The following KLHL29 variants were observed in gnomAD, a reference collection of about 807,000 sequenced individuals.
The protein encoded by KLHL29 is kelch-like protein 29.
In KLHL29, 21 loss-of-function variants were observed where a neutral mutation model predicts 80.4. The ratio of observed to expected loss-of-function variants is 0.26; its 90% CI spans 0.19 to 0.38. The LOEUF is 0.38. KLHL29 is among the 10% of genes least tolerant of loss of function. The probability of loss-of-function intolerance (pLI) is 1.00; values close to 1 mark genes in which losing one functional copy is unlikely to be tolerated. For synonymous variants in KLHL29, 511 were observed against 526.8 expected (o/e 0.97, Z 0.41); for missense variants, 867 against 1,223.9 (o/e 0.71, Z 4.35).
At chr2:23,439,695 T>A (rs1221892884) in intron 1 of KLHL29, among the ~76,000 whole-genome samples, 8 of 151,508 alleles carry the variant, frequency 5.3e-5, no homozygotes. Flanking sequence ...ATAATTTCTG[T>A]TCTTTTACAT....
chr2:23,570,087 G>A (rs545143850), intron 3 of KLHL29, among the ~76,000 whole-genome samples: 13 of 152,280 alleles, frequency 8.5e-5, no homozygotes, highest in African/African-American at 3.1e-4. Context: ...AATTTTCATT[G>A]TGAATCTGCC....
At chr2:23,431,503 G>C (rs895495468) in intron 1 of KLHL29, among the ~76,000 whole-genome samples, 8 of 152,244 alleles carry the variant, frequency 5.3e-5, no homozygotes, top group African/African-American at 1.9e-4. Context: ...CGCCAGCCCT[G>C]CTCCTCCGCC....
chr2:23,566,788 A>G (rs1667599560), intron 3 of KLHL29, among the ~76,000 whole-genome samples: 1 of 152,260 alleles, frequency 6.6e-6, no homozygotes, highest in Non-Finnish European at 1.5e-5. Context: ...AACTGGTTAA[A>G]TTAATATGCA....
At chr2:23,560,333 C>T (rs987542552) in intron 2 of KLHL29, among the ~76,000 whole-genome samples, 2 of 125,210 alleles carry the variant, frequency 1.6e-5, no homozygotes, top group Admixed American at 1.0e-4. Flanking sequence ...TGCAATATCG[C>T]GATCTCAGCT....
rs558892078 is a variant in KLHL29, at chr2:23,613,679, G to A, written c.286-25460G>A. On this transcript the variant is annotated intron_variant, in intron 3 of 13. Coordinates refer to ENST00000486442, the MANE Select transcript of KLHL29 (RefSeq NM_052920.2). The stretch of plus-strand genomic sequence containing the variant: ...CTCGGGAGGCTGAGGCAGGAGAATC[G>A]TTTGAACCCGGGAGGTGGAGGTTGC... 3.0e-4 allele frequency among the ~76,000 whole-genome samples: 43 copies of A among 145,588 alleles called. No individual in the cohort carries two copies. The South Asian group carries it at 3.8e-3, about 13-fold the overall frequency.
intron 3 of KLHL29, among the ~76,000 whole-genome samples, chr2:23,570,127 T>C (rs957808069): frequency 6.6e-6 from 1 of 152,202 alleles, no homozygotes; most frequent in Admixed American, 6.5e-5. Flanking sequence ...AGAAACCTCA[T>C]TTTCCTCTGG....
chr2:23,431,545 T>A (rs1429890920), intron 1 of KLHL29, among the ~76,000 whole-genome samples: 1 of 152,190 alleles, frequency 6.6e-6, no homozygotes, highest in Non-Finnish European at 1.5e-5. Context: ...GCCGTGAACA[T>A]GGGCAGTGGG....
intron 3 of KLHL29, among the ~76,000 whole-genome samples, chr2:23,610,073 G>A (rs926045240): frequency 1.3e-5 from 2 of 152,172 alleles, no homozygotes; most frequent in African/African-American, 4.8e-5. Context: ...ATCAGAAGCA[G>A]TGGAGAGTCC....
chr2:23,652,340 A>G (rs111499608), intron 5 of KLHL29, among the ~76,000 whole-genome samples: 1 of 152,194 alleles, frequency 6.6e-6, no homozygotes, highest in Non-Finnish European at 1.5e-5. Flanking sequence ...CTAAGCAGGA[A>G]CCACCGATCG....
chr2:23,507,546 G>A (rs780287230), intron 2 of KLHL29, among the ~76,000 whole-genome samples: 4 of 152,200 alleles, frequency 2.6e-5, no homozygotes, highest in Non-Finnish European at 4.4e-5. Flanking sequence ...CACCTACCCT[G>A]ACTTTGTAGT....
chr2:23,524,696 C>T (rs1666242166), intron 2 of KLHL29, among the ~76,000 whole-genome samples: 1 of 152,206 alleles, frequency 6.6e-6, no homozygotes, highest in South Asian at 2.1e-4. Context: ...CCACCCTTTC[C>T]AGTGCTGTGC....
intron 2 of KLHL29, among the ~76,000 whole-genome samples, chr2:23,507,415 G>A (rs545641528): frequency 2.6e-5 from 4 of 152,164 alleles, no homozygotes; most frequent in African/African-American, 4.8e-5. Context: ...GCCCCGTCCC[G>A]GAGCAGCGTC....
rs1001651493 is a variant in KLHL29, at chr2:23,681,816, GGTTT to G, written c.941-2581_941-2578del. 7.9e-5 allele frequency among the ~76,000 whole-genome samples: 12 copies of G among 152,208 alleles called. No individual in the cohort carries two copies. Among genetic ancestry groups the G allele is most frequent in the African/African-American group, 2.9e-4 (12 of 41,460 alleles). ...AGGGGATGTCATCTACCTGGCTCGT[GGTTT>G]GGGCATTAATTCGGCTGGTGACTCT... On this transcript the variant is annotated intron_variant, in intron 5 of 13. Transcript: ENST00000486442. This position sits in a 1 kb window ranked among gnomAD's most constrained non-coding sequence, Gnocchi z 4.2.
At chr2:23,657,039 AC>A (rs1670266206) in intron 5 of KLHL29, among the ~76,000 whole-genome samples, 1 of 152,110 alleles carries the variant, frequency 6.6e-6, no homozygotes, top group Non-Finnish European at 1.5e-5. Context: ...TCAGATCAAA[AC>A]CTGCTTCTGT....
At chr2:23,594,451 C>T (rs760283313) in intron 3 of KLHL29, among the ~76,000 whole-genome samples, 6 of 152,276 alleles carry the variant, frequency 3.9e-5, no homozygotes, top group South Asian at 4.2e-4. Context: ...AGCTCACCCC[C>T]GGCCAACACC....
intron 11 of KLHL29, among the ~76,000 whole-genome samples, chr2:23,701,793 C>CTTTTTT (rs70941586): frequency 4.4e-5 from 1 of 22,544 alleles, no homozygotes; most frequent in African/African-American, 1.2e-4. Flanking sequence ...CTTTTTTTTG[C>CTTTTTT]TTTTTTTTTT....
intron 5 of KLHL29, among the ~76,000 whole-genome samples, chr2:23,664,572 A>G (rs1670503266): frequency 6.6e-6 from 1 of 152,112 alleles, no homozygotes; most frequent in African/African-American, 2.4e-5. Context: ...GGAGGCGGGG[A>G]TAGATGTTTC....
intron 2 of KLHL29, among the ~76,000 whole-genome samples, chr2:23,520,449 G>A (rs924124745): frequency 6.6e-6 from 1 of 152,202 alleles, no homozygotes; most frequent in African/African-American, 2.4e-5. Flanking sequence ...CGGGGTGATG[G>A]AGGAAAATAA....
intron 3 of KLHL29, among the ~76,000 whole-genome samples, chr2:23,613,945 T>TA (rs966256381): frequency 6.6e-6 from 1 of 151,922 alleles, no homozygotes; most frequent in African/African-American, 2.4e-5. Context: ...TTCTATCCCT[T>TA]AAAAAAAGAT....
Sources: gnomAD v4.1 joint callset for allele counts (sites outside exome capture counted in the v4.1 genomes callset) on GRCh38, gnomAD v4.1.1 for gene constraint, Gnocchi (gnomAD v3.1) non-coding constraint, MANE v1.5 for transcripts, NCBI Gene and HGNC (gene_info 2026-07-23, HGNC 2026-07-21) for gene names.